Variants in SLC39A10 observed in about 807,000 individuals in gnomAD.
SLC39A10 encodes zinc transporter ZIP10.
Under a neutral mutation model 65.1 loss-of-function variants are expected in SLC39A10, and 13 were observed. The ratio of observed to expected loss-of-function variants is 0.20; its 90% CI spans 0.13 to 0.32. The LOEUF is 0.32. Among genes scored for constraint, SLC39A10 ranks in the 10% least tolerant of loss-of-function variants. The pLI is 1.00. For synonymous variants in SLC39A10, 321 were observed against 342.2 expected, an observed-to-expected ratio of 0.94 and a Z score of 0.68; for missense variants, 831 against 1,018.4, an observed-to-expected ratio of 0.82 and a Z score of 2.50.
intron 9 of SLC39A10, 103 bp from the exon 10 acceptor site, chr2:195,734,780 G>A: frequency 1.8e-6 from 2 of 1,131,840 alleles, no homozygotes; most frequent in Non-Finnish European, 2.5e-6. Context: ...TTTGTCTGTA[G>A]TTACACTTCA....
chr2:195,721,261 C>T (rs1393850581), intron 8 of SLC39A10, among the ~76,000 whole-genome samples: 3 of 151,998 alleles, frequency 2.0e-5, no homozygotes, highest in Admixed American at 6.6e-5. Context: ...TTTCAATGAC[C>T]TTCACTTCTT....
At chr2:195,666,455 A>C (rs1689640696) in intron 1 of SLC39A10, among the ~76,000 whole-genome samples, 1 of 152,152 alleles carries the variant, frequency 6.6e-6, no homozygotes, top group Non-Finnish European at 1.5e-5. Flanking sequence ...TTTTAGAATA[A>C]AGACAGCTGT....
At chr2:195,722,207 T>C (rs1692069161) in intron 8 of SLC39A10, among the ~76,000 whole-genome samples, 2 of 152,176 alleles carry the variant, frequency 1.3e-5, no homozygotes, top group Admixed American at 1.3e-4. Context: ...TATGAGAAGA[T>C]ATGTCAAGCC....
chr2:195,623,405 G>A (rs1042382510), intron 2 of SLC39A10, among the ~76,000 whole-genome samples: 3 of 152,086 alleles, frequency 2.0e-5, no homozygotes, highest in Admixed American at 6.5e-5. Flanking sequence ...TCCTTACGCC[G>A]TGTTGTATAA....
At chr2:195,711,604 T>G (rs1691603844) in intron 5 of SLC39A10, among the ~76,000 whole-genome samples, 1 of 152,202 alleles carries the variant, frequency 6.6e-6, no homozygotes, top group Non-Finnish European at 1.5e-5. Flanking sequence ...GAAAGGGAAT[T>G]AGTGATACTT....
At chr2:195,626,083 C>T (rs998063515) in intron 2 of SLC39A10, among the ~76,000 whole-genome samples, 2 of 152,020 alleles carry the variant, frequency 1.3e-5, no homozygotes, top group African/African-American at 2.4e-5. Flanking sequence ...TGTGCCTGGC[C>T]GGCCAAATTT....
Position 195,680,624 on chromosome 2 carries a change from C to A in SLC39A10, c.582C>A (p.His194Gln), listed in dbSNP as rs114992984. 8.0e-4 allele frequency: 1,295 copies of A among 1,614,104 alleles called. 7 individuals carry two copies. The African/African-American group carries it at 0.015, about 18-fold the overall frequency. ...ATCATCTTGATCATAACAACACTCA[C>A]CATTTTCATAATGATTCCATTACTC... is the stretch of plus-strand genomic sequence containing the variant. ...LHHHLDHNNT[H>Q]HFHNDSITPS... Residue 194 changes from histidine to glutamine, a missense_variant, in exon 2 of 10, where the codon CAC (histidine) becomes CAA (glutamine). By Grantham distance (24) the His-to-Gln change is conservative (BLOSUM62 0). Around this residue, in one of 4 missense-constraint regions of SLC39A10, gnomAD observed 446 missense variants for 499.2 expected, o/e 0.89. Coordinates refer to ENST00000359634, the MANE Select transcript of SLC39A10 (RefSeq NM_020342.3).
rs1692685468 is a variant in SLC39A10 at position 195,737,454 on chromosome 2, TGTG to T, written c.*2414_*2416del. 1 of 162,438 alleles carries T rather than the reference TGTG, an allele frequency of 6.2e-6. No homozygotes were observed. The highest frequency in any genetic ancestry group is 2.4e-5 in the African/African-American group (1 of 41,404). 10.1% of individuals were successfully genotyped at this position (162,438 alleles called of 1,614,324 possible). A position where few individuals can be genotyped will look rare whatever the true frequency, so the allele number is the denominator to read the frequency against. ...GAAATACTATAGTAACTAGATGCAG[TGTG>T]AATTTTTTCCATTAACAAACAAACA... is the stretch of plus-strand genomic sequence containing the variant. On this transcript the variant is annotated 3_prime_UTR_variant, in exon 10 of 10. Coordinates refer to ENST00000359634, the MANE Select transcript of SLC39A10 (RefSeq NM_020342.3).
chr2:195,687,491 C>T (rs1221920523), intron 3 of SLC39A10, among the ~76,000 whole-genome samples: 1 of 152,076 alleles, frequency 6.6e-6, no homozygotes, highest in African/African-American at 2.4e-5. Context: ...ACAGCTTATT[C>T]AATCTGAAAA....
chr2:195,701,608 A>G (rs1691198117), intron 3 of SLC39A10, among the ~76,000 whole-genome samples: 1 of 148,516 alleles, frequency 6.7e-6, no homozygotes, highest in Non-Finnish European at 1.5e-5. Context: ...TTTGTTTGTT[A>G]TTAATTTGGG....
rs1691498043 is a variant in SLC39A10 at position 195,708,748 on chromosome 2, T to C, written c.1479T>C (p.Asp493=). The stretch of plus-strand genomic sequence containing the variant: ...CTAACAAGTTTTTGGAAGAATATGA[T>C]GCTGTATTGAAAGGACTTGTTGCTC... ...HESNKFLEEY[D]AVLKGLVALG... The change falls in exon 5 of 10, where the codon GAT becomes GAC. Residue 493 remains aspartate (D), a synonymous_variant. Coordinates refer to ENST00000359634, the MANE Select transcript of SLC39A10 (RefSeq NM_020342.3). 1 of 1,613,276 alleles carries C rather than the reference T, an allele frequency of 6.2e-7. No homozygotes were observed. The highest frequency in any genetic ancestry group is 1.3e-5 in the African/African-American group (1 of 75,040).
At chr2:195,626,312 T>C (rs1391299277) in intron 2 of SLC39A10, among the ~76,000 whole-genome samples, 1 of 152,126 alleles carries the variant, frequency 6.6e-6, no homozygotes, top group African/African-American at 2.4e-5. Flanking sequence ...CCCCTACAGA[T>C]AGCAGTCTTA....
At chr2:195,685,625 G>A (rs902339653) in intron 3 of SLC39A10, among the ~76,000 whole-genome samples, 2 of 152,006 alleles carry the variant, frequency 1.3e-5, no homozygotes, top group Admixed American at 6.6e-5. Flanking sequence ...CCTGACTGAC[G>A]ACTACGATTC....
intron 1 of SLC39A10, among the ~76,000 whole-genome samples, chr2:195,678,663 A>G (rs1160692970): frequency 4.0e-5 from 6 of 150,948 alleles, no homozygotes; most frequent in African/African-American, 1.5e-4. Context: ...TCTTAAAATT[A>G]GTCTCCCAAA....
intron 1 of SLC39A10, among the ~76,000 whole-genome samples, chr2:195,660,208 T>C (rs1689333324): frequency 6.6e-6 from 1 of 152,182 alleles, no homozygotes; most frequent in Admixed American, 6.5e-5. Context: ...TGTGTTTATA[T>C]AGTGCTTACC....
At chr2:195,704,724 G>A (rs551190128) in intron 3 of SLC39A10, among the ~76,000 whole-genome samples, 16 of 151,948 alleles carry the variant, frequency 1.1e-4, no homozygotes, top group African/African-American at 2.4e-4. Flanking sequence ...AGCTCCCCGC[G>A]GTTTGTCATC....
At chr2:195,703,326 A>T (rs1381366078) in intron 3 of SLC39A10, among the ~76,000 whole-genome samples, 1 of 152,156 alleles carries the variant, frequency 6.6e-6, no homozygotes, top group Non-Finnish European at 1.5e-5. Flanking sequence ...TATTTTTATA[A>T]TTTTCAACTC....
intron 7 of SLC39A10, 85 bp from the exon 8 acceptor site, chr2:195,718,167 C>A: frequency 9.1e-7 from 1 of 1,099,752 alleles, no homozygotes; most frequent in Non-Finnish European, 1.3e-6. Flanking sequence ...TTTAGATAGG[C>A]AAAAGAAACT....
At chr2:195,625,867 C>T (rs1431151249) in intron 2 of SLC39A10, among the ~76,000 whole-genome samples, 1 of 152,318 alleles carries the variant, frequency 6.6e-6, no homozygotes, top group Non-Finnish European at 1.5e-5. Flanking sequence ...AGAGCAGTGG[C>T]ACAATCTCCA....
Sources: allele counts gnomAD v4.1 joint callset (sites outside exome capture counted in the v4.1 genomes callset), GRCh38; gene constraint gnomAD v4.1.1; regional missense constraint gnomAD v4.1.1; transcripts MANE v1.5; gene names NCBI Gene and HGNC (gene_info 2026-07-23, HGNC 2026-07-21).